NPAS3: variants seen among roughly 807,000 people sequenced by gnomAD.
The protein encoded by NPAS3 is neuronal PAS domain protein 3, also known as neuronal PAS domain-containing protein 3.
A neutral mutation model predicts 73.1 loss-of-function variants in NPAS3; 14 were observed. The observed-to-expected ratio is 0.19, with a 90% CI of 0.13 to 0.30. The LOEUF (loss-of-function observed/expected upper bound fraction) is 0.30. NPAS3 is among the 10% of genes least tolerant of loss of function. The probability of loss-of-function intolerance (pLI) is 1.00; values close to 1 mark genes in which losing one functional copy is unlikely to be tolerated. For missense variants in NPAS3, 1,096 were observed against 1,250.0 expected (o/e 0.88, Z 1.86); for synonymous variants, 620 against 541.5 (o/e 1.14, Z -2.01).
chr14:33,650,987 G>A (rs1306998182), intron 5 of NPAS3, among the ~76,000 whole-genome samples: 1 of 152,214 alleles, frequency 6.6e-6, no homozygotes, highest in Non-Finnish European at 1.5e-5. Flanking sequence ...AGGAAGGGAG[G>A]CTTGGCAAGA....
At chr14:33,197,838 G>A (rs989597183) in intron 2 of NPAS3, among the ~76,000 whole-genome samples, 5 of 152,208 alleles carry the variant, frequency 3.3e-5, no homozygotes, top group African/African-American at 1.2e-4. Context: ...GTCCCACATT[G>A]GTGGATTCTT....
At chr14:33,178,193 G>T (rs1236420182) in intron 2 of NPAS3, among the ~76,000 whole-genome samples, 1 of 150,400 alleles carries the variant, frequency 6.6e-6, no homozygotes, top group Non-Finnish European at 1.5e-5. Flanking sequence ...TTTTGCCTCA[G>T]CCTCCCGAGT....
intron 7 of NPAS3, among the ~76,000 whole-genome samples, chr14:33,744,356 T>C (rs2061731698): frequency 6.6e-6 from 1 of 152,246 alleles, no homozygotes; most frequent in South Asian, 2.1e-4. Context: ...CAGCTGGTCA[T>C]TGGAGCAGTC....
intron 3 of NPAS3, among the ~76,000 whole-genome samples, chr14:33,282,650 T>A (rs554945715): frequency 6.6e-6 from 1 of 152,254 alleles, no homozygotes; most frequent in South Asian, 2.1e-4. Context: ...TAACATGAAA[T>A]TTTTCGGCTG....
At chr14:33,340,080 A>G (rs1022190622) in intron 3 of NPAS3, among the ~76,000 whole-genome samples, 4 of 152,034 alleles carry the variant, frequency 2.6e-5, no homozygotes, top group African/African-American at 9.7e-5. Flanking sequence ...TATGGTTTCC[A>G]TTTTTTGAAT....
chr14:33,297,909 C>T (rs905452474), intron 3 of NPAS3, among the ~76,000 whole-genome samples: 6 of 152,206 alleles, frequency 3.9e-5, no homozygotes, highest in Non-Finnish European at 5.9e-5. Context: ...CTCTGCCCTC[C>T]TTTTGGACTG....
At chr14:33,208,156 G>C (rs1234847404) in intron 2 of NPAS3, among the ~76,000 whole-genome samples, 1 of 151,636 alleles carries the variant, frequency 6.6e-6, no homozygotes, top group Non-Finnish European at 1.5e-5. Context: ...TTAAAGTTCT[G>C]GGGGAAAATG....
intron 4 of NPAS3, among the ~76,000 whole-genome samples, chr14:33,556,627 G>A (rs2055368469): frequency 6.6e-6 from 1 of 152,208 alleles, no homozygotes; most frequent in Non-Finnish European, 1.5e-5. Context: ...AGCTGAATAA[G>A]CCAACCAGAG....
intron 2 of NPAS3, among the ~76,000 whole-genome samples, chr14:33,205,219 A>T (rs184886659): frequency 6.6e-6 from 1 of 152,294 alleles, no homozygotes; most frequent in East Asian, 1.9e-4. Context: ...ATCTCAACAC[A>T]TGCTGCTTTA....
At chr14:33,511,433 A>T (rs1267399114) in intron 4 of NPAS3, among the ~76,000 whole-genome samples, 1 of 152,078 alleles carries the variant, frequency 6.6e-6, no homozygotes, top group African/African-American at 2.4e-5. Flanking sequence ...GAAAAATTAC[A>T]ATTTAATCAA....
At chr14:33,259,592 G>C (rs984744674) in intron 3 of NPAS3, among the ~76,000 whole-genome samples, 1 of 152,244 alleles carries the variant, frequency 6.6e-6, no homozygotes, top group East Asian at 1.9e-4. Flanking sequence ...TGGGTGATAG[G>C]CAATGCTGAA....
rs567294162 is a variant in NPAS3, at chr14:33,499,081, T to A, written c.469-61040T>A. Among the ~76,000 whole-genome samples, 219 of 151,690 alleles carry A rather than the reference T, an allele frequency of 1.4e-3. 1 individual carries two copies. Among genetic ancestry groups the A allele is most frequent in the African/African-American group, 5.0e-3 (208 of 41,392 alleles). ...GTGATTACACAGGAAAAAATTTCTT[T>A]TAAGCACAAGTCATTAACACTGTAG... On this transcript the variant is annotated intron_variant, in intron 4 of 11. Transcript: ENST00000356141.
intron 6 of NPAS3, among the ~76,000 whole-genome samples, chr14:33,717,230 CAAA>C (rs35800734): frequency 2.5e-4 from 26 of 102,200 alleles, no homozygotes; most frequent in African/African-American, 7.7e-4. Context: ...TGATCATGGC[CAAA>C]AAAAAAAAAA....
chr14:32,936,202 A>G (rs574223220), upstream of NPAS3, among the ~76,000 whole-genome samples: 31 of 152,358 alleles, frequency 2.0e-4, no homozygotes, highest in African/African-American at 7.2e-4. Context: ...CCCAGTGACC[A>G]GAGCAGATTT....
chr14:32,962,880 C>CTT (rs74828243), intron 1 of NPAS3, among the ~76,000 whole-genome samples: 4 of 137,488 alleles, frequency 2.9e-5, no homozygotes, highest in East Asian at 2.1e-4. Flanking sequence ...GTTTTTCTTT[C>CTT]TTTTTTTTTT....
intron 1 of NPAS3, among the ~76,000 whole-genome samples, chr14:33,015,521 A>C (rs2039359056): frequency 6.6e-6 from 1 of 152,238 alleles, no homozygotes; most frequent in South Asian, 2.1e-4. Flanking sequence ...AAATTACAGC[A>C]TAAGGAGTGT....
chr14:33,775,694 CT>C (rs2062791755), intron 8 of NPAS3, among the ~76,000 whole-genome samples: 2 of 152,232 alleles, frequency 1.3e-5, no homozygotes, highest in South Asian at 2.1e-4. Context: ...AACTCTGAAT[CT>C]GCATTTCAAA....
intron 5 of NPAS3, among the ~76,000 whole-genome samples, chr14:33,568,794 A>C (rs2056082171): frequency 6.6e-6 from 1 of 152,214 alleles, no homozygotes; most frequent in South Asian, 2.1e-4. Context: ...ATTTTTGCAT[A>C]AGTTCTAGAA....
chr14:33,598,068 A>G (rs2057298192), intron 5 of NPAS3, among the ~76,000 whole-genome samples: 1 of 152,190 alleles, frequency 6.6e-6, no homozygotes, highest in African/African-American at 2.4e-5. Context: ...TGATTTCATG[A>G]GTGGATAGGA....
Sources: allele counts gnomAD v4.1 joint callset (sites outside exome capture counted in the v4.1 genomes callset), GRCh38; gene constraint gnomAD v4.1.1; transcripts MANE v1.5; gene names NCBI Gene and HGNC (gene_info 2026-07-23, HGNC 2026-07-21).